The following ETV5 variants were observed in gnomAD, a reference collection of about 807,000 sequenced individuals.
ETV5 encodes the protein ETS translocation variant 5.
Under a neutral mutation model 70.0 loss-of-function variants are expected in ETV5, and 10 were observed. That is an observed-to-expected ratio of 0.14 (90% CI 0.09 to 0.24). The LOEUF (loss-of-function observed/expected upper bound fraction) is 0.24, where lower values mean the gene tolerates loss of function less well. Ranked by LOEUF, ETV5 falls within the 10% of genes least tolerant of loss-of-function variation. The probability of loss-of-function intolerance (pLI) is 1.00; values close to 1 mark genes in which losing one functional copy is unlikely to be tolerated. For missense variants in ETV5, 453 were observed against 651.2 expected, an observed-to-expected ratio of 0.70 and a Z score of 3.31; for synonymous variants, 216 against 242.2, an observed-to-expected ratio of 0.89 and a Z score of 1.01.
chr3:186,057,204 G>A lies in ETV5; in HGVS notation c.1080C>T (p.Pro360=). Reference sequence around the variant, plus strand: ...GAAGGGAACCTCGCCTCTGGTAAGGGGGCCCCTCTCGATACATGGTAGGCT... The same window carrying A: ...GAAGGGAACCTCGCCTCTGGTAAGGAGGCCCCTCTCGATACATGGTAGGCT... The part of the protein sequence containing the change: ...KQEPTMYREG[P]PYQRRGSLQL... Residue 360 remains proline (P), a synonymous_variant, in exon 11 of 13, where the codon CCC becomes CCT. Coordinates refer to ENST00000306376, the MANE Select transcript of ETV5 (RefSeq NM_004454.3). The surrounding 1 kb of genome is among the most constrained non-coding windows in gnomAD (Gnocchi z 4.9). The A allele has an allele frequency of 5.0e-6, 8 of 1,614,180 alleles. No homozygotes were observed. The highest frequency in any genetic ancestry group is 6.8e-6 in the Non-Finnish European group (8 of 1,180,020).
At chr3:186,079,738 CA>C in intron 7 of ETV5, 78 bp downstream of exon 7, 2 of 1,470,322 alleles carry the variant, frequency 1.4e-6, no homozygotes, top group Non-Finnish European at 1.8e-6. Context: ...GTAAATAAGA[CA>C]AACTGCTTCC....
chr3:186,074,260 T>A (rs148964599), intron 7 of ETV5, among the ~76,000 whole-genome samples: 22 of 152,284 alleles, frequency 1.4e-4, no homozygotes, highest in Admixed American at 1.4e-3. Context: ...AAAATTTATT[T>A]ATTAAATTTA....
chr3:186,057,164 G>A lies in ETV5; in HGVS notation c.1120C>T (p.Leu374=), dbSNP rs768665903. 1.2e-6 allele frequency: 2 copies of A among 1,614,202 alleles called. No homozygotes were observed. The highest frequency in any genetic ancestry group is 2.2e-5 in the East Asian group (1 of 44,890). ...GCTGGGTCATCAAGAAGGGTGACCA[G>A]GAACTGCCACAGCTGAAGGGAACCT... The part of the protein sequence containing the change: ...RRGSLQLWQF[L]VTLLDDPANA... Residue 374 remains leucine (L), a synonymous_variant, in exon 11 of 13, where the codon CTG becomes TTG. Transcript: ENST00000306376. This position sits in a 1 kb window ranked among gnomAD's most constrained non-coding sequence, Gnocchi z 4.9.
chr3:186,104,058 G>A (rs1714529158), intron 5 of ETV5, among the ~76,000 whole-genome samples: 1 of 152,206 alleles, frequency 6.6e-6, no homozygotes, highest in Non-Finnish European at 1.5e-5. Context: ...GAGAAATTGA[G>A]TCCTTGCATG....
chr3:186,058,816 C>T lies in ETV5; in HGVS notation c.971-1325G>A, dbSNP rs186284647. The stretch of plus-strand genomic sequence containing the variant: ...ATCATCTGAGGTCAGGAGTTCGAGA[C>T]CAGCCTGGCCAACATGGTGAAACCA... On this transcript the variant is annotated intron_variant, in intron 9 of 12. Transcript: ENST00000306376. 8.4e-4 allele frequency among the ~76,000 whole-genome samples: 128 copies of T among 152,058 alleles called. 1 individual carries two copies. The highest frequency in any genetic ancestry group is 1.3e-4 in the Non-Finnish European group (9 of 67,982).
intron 9 of ETV5, among the ~76,000 whole-genome samples, chr3:186,062,505 C>G (rs989093936): frequency 1.3e-5 from 2 of 152,164 alleles, no homozygotes; most frequent in African/African-American, 4.8e-5. Flanking sequence ...GCCTGTAATT[C>G]CATCTACTTG....
chr3:186,064,291 A>T, intron 9 of ETV5, 126 bp downstream of exon 9: 1 of 858,822 alleles, frequency 1.2e-6, no homozygotes, highest in Non-Finnish European at 1.9e-6. Context: ...GAGCAATTTT[A>T]AGCTTGGGTA....
chr3:186,094,063 G>C (rs1377773506), intron 5 of ETV5, among the ~76,000 whole-genome samples: 1 of 152,210 alleles, frequency 6.6e-6, no homozygotes, highest in African/African-American at 2.4e-5. Flanking sequence ...AACTAGGAGG[G>C]CTGGCTTTTG....
intron 5 of ETV5, among the ~76,000 whole-genome samples, chr3:186,104,114 T>C (rs1335060547): frequency 1.3e-5 from 2 of 152,208 alleles, no homozygotes; most frequent in Admixed American, 6.5e-5. Context: ...GACATGAATT[T>C]CTCTATGATG....
At chr3:186,078,163 A>AT in intron 7 of ETV5, 1 of 1,051,624 alleles carries the variant, frequency 9.5e-7, no homozygotes, top group East Asian at 5.5e-5. Context: ...GAGAACTAGG[A>AT]TATTTGTCTC....
At chr3:186,049,154 T>G (rs1199080758) in intron 12 of ETV5, among the ~76,000 whole-genome samples, 1 of 152,224 alleles carries the variant, frequency 6.6e-6, no homozygotes, top group Non-Finnish European at 1.5e-5. Context: ...ATGGTTATGC[T>G]GAGCCTGGAG....
intron 5 of ETV5, among the ~76,000 whole-genome samples, chr3:186,093,432 C>T (rs1181647127): frequency 6.6e-6 from 1 of 152,104 alleles, no homozygotes; most frequent in Non-Finnish European, 1.5e-5. Flanking sequence ...AAGCATGGCT[C>T]AAGGATTGCA....
intron 7 of ETV5, among the ~76,000 whole-genome samples, chr3:186,077,170 A>C (rs1257353307): frequency 6.6e-6 from 1 of 152,238 alleles, no homozygotes; most frequent in Non-Finnish European, 1.5e-5. Context: ...TAAAAGTTTC[A>C]AATGAGACTC....
At chr3:186,095,165 T>C (rs1714275438) in intron 5 of ETV5, 1 of 152,146 alleles carries the variant, frequency 6.6e-6, no homozygotes, top group Non-Finnish European at 1.5e-5. Context: ...GAGAAAGAGG[T>C]CTAAGGAAAC....
chr3:186,098,392 C>G (rs562303594), intron 5 of ETV5, among the ~76,000 whole-genome samples: 1 of 152,196 alleles, frequency 6.6e-6, no homozygotes, highest in South Asian at 2.1e-4. Context: ...GTAGCTACAT[C>G]GGGAGCCACC....
chr3:186,057,407 G>T lies in ETV5; in HGVS notation c.1039+16C>A. 1 of 1,613,744 alleles carries T rather than the reference G, an allele frequency of 6.2e-7. No homozygotes were observed. The highest frequency in any genetic ancestry group is 8.5e-7 in the Non-Finnish European group (1 of 1,179,668). On this transcript the variant is annotated intron_variant, in intron 10 of 12. Transcript: ENST00000306376. The surrounding 1 kb of genome is among the most constrained non-coding windows in gnomAD (Gnocchi z 4.9). ...AAACCTCTACCTGGCAACAAACCTT[G>T]GATGGGGCTACTTACCTTCCAGTCT...
intron 5 of ETV5, among the ~76,000 whole-genome samples, chr3:186,097,872 G>C (rs2150154015): frequency 6.6e-6 from 1 of 152,320 alleles, no homozygotes; most frequent in South Asian, 2.1e-4. Flanking sequence ...TCCACGGGCT[G>C]CACAATGGGG....
At chr3:186,100,592 C>T (rs892390872) in intron 5 of ETV5, among the ~76,000 whole-genome samples, 1 of 152,158 alleles carries the variant, frequency 6.6e-6, no homozygotes, top group Non-Finnish European at 1.5e-5. Context: ...TTTCCCCAGC[C>T]GTCTATTGCA....
intron 5 of ETV5, among the ~76,000 whole-genome samples, chr3:186,086,457 A>G (rs2150151104): frequency 6.6e-6 from 1 of 152,352 alleles, no homozygotes; most frequent in African/African-American, 2.4e-5. Flanking sequence ...AGCTGTCATT[A>G]TTAACAGATG....
Sources: allele counts gnomAD v4.1 joint callset (sites outside exome capture counted in the v4.1 genomes callset), GRCh38; gene constraint gnomAD v4.1.1; non-coding constraint Gnocchi (gnomAD v3.1); transcripts MANE v1.5; gene names NCBI Gene and HGNC (gene_info 2026-07-23, HGNC 2026-07-21).